Variants in RASA1 observed in about 807,000 individuals in gnomAD.
RASA1 encodes the protein ras GTPase-activating protein 1.
In RASA1, 25 loss-of-function variants were observed where a neutral mutation model predicts 132.2. The ratio of observed to expected loss-of-function variants is 0.19; its 90% CI spans 0.14 to 0.26. The LOEUF (loss-of-function observed/expected upper bound fraction) is 0.26, where lower values mean the gene tolerates loss of function less well. Ranked by LOEUF, RASA1 falls within the 10% of genes least tolerant of loss-of-function variation. The pLI is 1.00. For missense variants in RASA1, 964 were observed against 1,299.2 expected (o/e 0.74, Z 3.97); for synonymous variants, 477 against 449.9 (o/e 1.06, Z -0.76).
At chr5:87,289,595 A>G (rs1754824627) in intron 1 of RASA1, among the ~76,000 whole-genome samples, 3 of 152,006 alleles carry the variant, frequency 2.0e-5, no homozygotes, top group East Asian at 1.9e-4. Flanking sequence ...ACATGCAGGC[A>G]TGCATGTATT....
In RASA1 at chr5:87,383,350, TC is replaced by T. The variant is rs577350627; in HGVS notation, c.2691-362del. On this transcript the variant is annotated intron_variant, in intron 20 of 24. Coordinates refer to ENST00000274376, the MANE Select transcript of RASA1 (RefSeq NM_002890.3). The stretch of plus-strand genomic sequence containing the variant: ...TCTACTCCTGTGGTATTTCAGAAAT[TC>T]TTAAGATTCCTGAGGATACTACTTT... Among the ~76,000 whole-genome samples the T allele has an allele frequency of 4.6e-5, 7 of 152,272 alleles. No homozygotes were observed. The East Asian group carries it at 1.4e-3, about 29-fold the overall frequency.
intron 11 of RASA1, among the ~76,000 whole-genome samples, chr5:87,364,654 G>C (rs943154472): frequency 6.6e-6 from 1 of 151,984 alleles, no homozygotes; most frequent in Non-Finnish European, 1.5e-5. Context: ...GTTGATTCAG[G>C]CCTCTGTCTT....
intron 1 of RASA1, among the ~76,000 whole-genome samples, chr5:87,297,457 A>C (rs954326517): frequency 2.6e-5 from 4 of 152,178 alleles, no homozygotes; most frequent in African/African-American, 7.2e-5. Flanking sequence ...GTGCTCCTGG[A>C]CTGTGAACAT....
intron 11 of RASA1, among the ~76,000 whole-genome samples, chr5:87,366,983 G>T (rs560706999): frequency 6.6e-6 from 1 of 152,360 alleles, no homozygotes; most frequent in South Asian, 2.1e-4. Flanking sequence ...GGATGTTGCA[G>T]TGAGCTGACT....
At chr5:87,346,945 C>T (rs1394445134) in intron 7 of RASA1, among the ~76,000 whole-genome samples, 1 of 151,968 alleles carries the variant, frequency 6.6e-6, no homozygotes, top group Non-Finnish European at 1.5e-5. Context: ...AGGCCCCTGT[C>T]CACTTCCTCA....
intron 1 of RASA1, among the ~76,000 whole-genome samples, chr5:87,298,017 C>A (rs1188751070): frequency 1.3e-5 from 2 of 152,140 alleles, no homozygotes; most frequent in African/African-American, 4.8e-5. Flanking sequence ...TGTGACCTCA[C>A]TTCTCTGAAG....
intron 4 of RASA1, among the ~76,000 whole-genome samples, chr5:87,334,200 A>G (rs1007246229): frequency 1.3e-5 from 2 of 152,202 alleles, no homozygotes; most frequent in Admixed American, 6.5e-5. Context: ...CCAGTGGTAT[A>G]ATTCAGTCTA....
At chr5:87,335,838 G>T (rs889124563) in intron 4 of RASA1, among the ~76,000 whole-genome samples, 18 of 152,168 alleles carry the variant, frequency 1.2e-4, no homozygotes, top group South Asian at 2.1e-4. Flanking sequence ...AATTATGCAT[G>T]GGTAAAAGAT....
chr5:87,296,966 T>C (rs577378791), intron 1 of RASA1, among the ~76,000 whole-genome samples: 10 of 152,142 alleles, frequency 6.6e-5, no homozygotes, highest in Admixed American at 2.0e-4. Flanking sequence ...TCCTCTCTTT[T>C]TTTTCTTTGC....
chr5:87,284,672 T>C (rs984491223), intron 1 of RASA1, among the ~76,000 whole-genome samples: 1 of 152,210 alleles, frequency 6.6e-6, no homozygotes, highest in Non-Finnish European at 1.5e-5. Context: ...TTGTCATCAT[T>C]AGTAATTAAA....
intron 1 of RASA1, among the ~76,000 whole-genome samples, chr5:87,327,961 C>A (rs1325383712): frequency 6.7e-6 from 1 of 148,452 alleles, no homozygotes. Flanking sequence ...AGCAAGACTC[C>A]GTTTCCCAAA....
chr5:87,285,915 G>C (rs540133630), intron 1 of RASA1, among the ~76,000 whole-genome samples: 74 of 152,076 alleles, frequency 4.9e-4, no homozygotes, highest in Middle Eastern at 3.4e-3. Flanking sequence ...CACCGTGCCC[G>C]GCCAGTCGGT....
intron 9 of RASA1, among the ~76,000 whole-genome samples, chr5:87,358,693 C>T (rs553493756): frequency 4.6e-5 from 7 of 152,190 alleles, no homozygotes; most frequent in Non-Finnish European, 1.0e-4. Flanking sequence ...AAGCCAAAGT[C>T]CTTAGAATGG....
At chr5:87,370,975 T>C (rs1215904708) in intron 12 of RASA1, among the ~76,000 whole-genome samples, 2 of 152,164 alleles carry the variant, frequency 1.3e-5, no homozygotes, top group Non-Finnish European at 2.9e-5. Context: ...TTTACGGCTA[T>C]GTATCCCTAA....
intron 6 of RASA1, among the ~76,000 whole-genome samples, chr5:87,342,927 G>C (rs1317832443): frequency 6.6e-6 from 1 of 152,064 alleles, no homozygotes; most frequent in Non-Finnish European, 1.5e-5. Context: ...TTTTCTCATA[G>C]TATAAAATAT....
At chr5:87,321,489 AG>A (rs1756801292) in intron 1 of RASA1, among the ~76,000 whole-genome samples, 2 of 152,170 alleles carry the variant, frequency 1.3e-5, no homozygotes, top group Non-Finnish European at 2.9e-5. Flanking sequence ...GATGGCTTCG[AG>A]TTGGGGTTTC....
intron 6 of RASA1, among the ~76,000 whole-genome samples, chr5:87,345,267 A>T (rs1031193839): frequency 9.9e-5 from 15 of 152,206 alleles, no homozygotes; most frequent in Non-Finnish European, 1.8e-4. Context: ...AACTCTTTAG[A>T]AAGAGATATT....
chr5:87,291,708 CACTCTT>C (rs1754916947), intron 1 of RASA1, among the ~76,000 whole-genome samples: 2 of 152,154 alleles, frequency 1.3e-5, no homozygotes, highest in Admixed American at 1.3e-4. Flanking sequence ...GCCCGCTACT[CACTCTT>C]GCTCTGCTTT....
At chr5:87,354,053 G>T (rs1319841626) in intron 9 of RASA1, among the ~76,000 whole-genome samples, 1 of 151,890 alleles carries the variant, frequency 6.6e-6, no homozygotes, top group Non-Finnish European at 1.5e-5. Flanking sequence ...ACAGTGATTT[G>T]TAGTGTGCCT....
Sources: allele counts gnomAD v4.1 joint callset (sites outside exome capture counted in the v4.1 genomes callset), GRCh38; gene constraint gnomAD v4.1.1; transcripts MANE v1.5; gene names NCBI Gene and HGNC (gene_info 2026-07-23, HGNC 2026-07-21).